SERAC1: variants seen among roughly 807,000 people sequenced by gnomAD.
SERAC1 encodes protein SERAC1.
SERAC1 carries 36 observed loss-of-function variants against 85.7 expected under a neutral mutation model. The observed-to-expected ratio is 0.42, with a 90% CI of 0.32 to 0.55. The LOEUF (loss-of-function observed/expected upper bound fraction) is 0.55, where lower values mean the gene tolerates loss of function less well. Among genes scored for constraint, SERAC1 ranks in the 20% least tolerant of loss-of-function variants. The probability of loss-of-function intolerance (pLI) is 0.11; values close to 1 mark genes in which losing one functional copy is unlikely to be tolerated. For missense variants in SERAC1, 629 were observed against 796.2 expected (o/e 0.79, Z 2.53); for synonymous variants, 242 against 265.3 (o/e 0.91, Z 0.85).
chr6:158,117,973 G>C lies in SERAC1; in HGVS notation c.1309-152C>G. On this transcript the variant is annotated intron_variant, in intron 12 of 16. Coordinates refer to ENST00000647468, the MANE Select transcript of SERAC1 (RefSeq NM_032861.4). This position sits in a 1 kb window ranked among gnomAD's most constrained non-coding sequence, Gnocchi z 4.3. Reference sequence around the variant, plus strand: ...TGAAGGTACCGTAAAAACAATTCCAGCACTATCTTTTCAAGTCTCTGGTCT... The same window carrying C: ...TGAAGGTACCGTAAAAACAATTCCACCACTATCTTTTCAAGTCTCTGGTCT... The C allele has an allele frequency of 1.6e-6, 1 of 630,326 alleles. No homozygotes were observed. The highest frequency in any genetic ancestry group is 2.8e-5 in the East Asian group (1 of 35,810). The allele number at this position is 630,326 out of a possible 1,614,324, so 39.0% of individuals were successfully genotyped here. A position where few individuals can be genotyped will look rare whatever the true frequency, so the allele number is the denominator to read the frequency against.
At chr6:158,145,487 C>G (rs1475384839) in intron 6 of SERAC1, 1 of 151,044 alleles carries the variant, frequency 6.6e-6, no homozygotes, top group South Asian at 2.1e-4. Flanking sequence ...TTGCAGAGAT[C>G]TCATTCTGAG....
intron 12 of SERAC1, among the ~76,000 whole-genome samples, chr6:158,118,778 T>C (rs1784352895): frequency 6.6e-6 from 1 of 152,246 alleles, no homozygotes; most frequent in Admixed American, 6.5e-5. Flanking sequence ...AAGTGAACTA[T>C]TACTGGCTCT....
At position 158,117,674 on chromosome 6, in the gene SERAC1, A is replaced by G; in HGVS notation, c.1403+53T>C. ...TCACTTCCCATCCAAGAGGACCTAA[A>G]CTTGCGGCCTGAATTCTTCCCTGTC... is the stretch of plus-strand genomic sequence containing the variant. On this transcript the variant is annotated intron_variant, in intron 13 of 16. Transcript: ENST00000647468. The surrounding 1 kb of genome is among the most constrained non-coding windows in gnomAD (Gnocchi z 4.3). 1 of 1,611,916 alleles carries G rather than the reference A, an allele frequency of 6.2e-7. No homozygotes were observed. The highest frequency in any genetic ancestry group is 8.5e-7 in the Non-Finnish European group (1 of 1,178,428).
At chr6:158,149,180 G>A (rs1364022663) in intron 4 of SERAC1, among the ~76,000 whole-genome samples, 1 of 152,066 alleles carries the variant, frequency 6.6e-6, no homozygotes, top group African/African-American at 2.4e-5. Flanking sequence ...TTTTAGTAGA[G>A]ACAGGGTTTC....
intron 10 of SERAC1, among the ~76,000 whole-genome samples, chr6:158,123,478 G>C (rs1784466847): frequency 6.6e-6 from 1 of 152,226 alleles, no homozygotes; most frequent in Non-Finnish European, 1.5e-5. Context: ...AGGAGGAGAA[G>C]TCATCCTCTG....
At chr6:158,165,973 G>A (rs1340641448) in intron 1 of SERAC1, 1 of 152,196 alleles carries the variant, frequency 6.6e-6, no homozygotes, top group Admixed American at 6.5e-5. Flanking sequence ...AGTAGTGCTG[G>A]TTGCACAATG....
intron 6 of SERAC1, among the ~76,000 whole-genome samples, chr6:158,145,075 C>T (rs1490058458): frequency 1.3e-5 from 2 of 152,118 alleles, no homozygotes; most frequent in African/African-American, 4.8e-5. Flanking sequence ...GAAACCCTGT[C>T]TCTACTAAAA....
intron 1 of SERAC1, among the ~76,000 whole-genome samples, chr6:158,164,748 T>A (rs1407867299): frequency 6.6e-6 from 1 of 152,002 alleles, no homozygotes; most frequent in African/African-American, 2.4e-5. Flanking sequence ...AAAACGTGAG[T>A]TGTAGCTAGG....
At chr6:158,115,820 C>A (rs1248359823) in intron 14 of SERAC1, among the ~76,000 whole-genome samples, 6 of 152,092 alleles carry the variant, frequency 3.9e-5, no homozygotes, top group African/African-American at 1.4e-4. Context: ...TGAGGGGGAG[C>A]AGGAAGAATA....
At chr6:158,154,317 C>T (rs1411839177) in intron 3 of SERAC1, among the ~76,000 whole-genome samples, 1 of 152,088 alleles carries the variant, frequency 6.6e-6, no homozygotes, top group Non-Finnish European at 1.5e-5. Flanking sequence ...TCACTATATT[C>T]CTGAATATAA....
intron 10 of SERAC1, among the ~76,000 whole-genome samples, chr6:158,122,209 T>C (rs1480312944): frequency 1.3e-5 from 2 of 152,238 alleles, no homozygotes; most frequent in Non-Finnish European, 1.5e-5. Context: ...GAATAGGTGC[T>C]ACCATCCAGG....
chr6:158,152,517 GAA>G lies in SERAC1; in HGVS notation c.129-1930_129-1929del, dbSNP rs201163631. On this transcript the variant is annotated intron_variant, in intron 3 of 16. Coordinates refer to ENST00000647468, the MANE Select transcript of SERAC1 (RefSeq NM_032861.4). ...GGCGACGGAGCAAGACTCCATCTCC[GAA>G]AAAAAAAAAAGTGTAATGTAGCCTA... is the stretch of plus-strand genomic sequence containing the variant. Among the ~76,000 whole-genome samples the G allele has an allele frequency of 8.7e-3, 1,237 of 142,956 alleles. 18 individuals carry two copies. Among genetic ancestry groups the G allele is most frequent in the African/African-American group, 0.029 (1,149 of 39,276 alleles). 93.8% of individuals were successfully genotyped at this position (142,956 alleles called of 152,430 possible).
At chr6:158,151,385 G>A (rs1342331152) in intron 3 of SERAC1, among the ~76,000 whole-genome samples, 1 of 152,128 alleles carries the variant, frequency 6.6e-6, no homozygotes, top group Admixed American at 6.6e-5. Context: ...AGTAGCCGCT[G>A]CTCTCCAGCC....
rs1379099761 is a variant in SERAC1 at position 158,119,369 on chromosome 6, C to A, written c.1167-199G>T. On this transcript the variant is annotated intron_variant, in intron 11 of 16. Transcript: ENST00000647468. The surrounding 1 kb of genome is among the most constrained non-coding windows in gnomAD (Gnocchi z 4.5). ...CAAAGACATACATGAAGCATGTTCA[C>A]TGTTCTCTAAAAATGGAGACTATTC... Among the ~76,000 whole-genome samples, 1 of 152,198 alleles carries A rather than the reference C, an allele frequency of 6.6e-6. No individual in the cohort carries two copies. Among genetic ancestry groups the A allele is most frequent in the Non-Finnish European group, 1.5e-5 (1 of 68,032 alleles).
At chr6:158,145,504 TTTTC>T (rs1286467809) in intron 6 of SERAC1, 1 of 151,920 alleles carries the variant, frequency 6.6e-6, no homozygotes, top group Non-Finnish European at 1.5e-5. Flanking sequence ...TGAGCTTAAC[TTTTC>T]TTTGAGAATT....
intron 3 of SERAC1, among the ~76,000 whole-genome samples, chr6:158,155,003 G>A (rs577003076): frequency 1.3e-4 from 20 of 152,158 alleles, no homozygotes; most frequent in African/African-American, 4.8e-4. Flanking sequence ...GGAGCTGAGT[G>A]AGTGCCTGAT....
chr6:158,111,106 T>C lies in SERAC1; in HGVS notation c.*260A>G, dbSNP rs938766510. ...TTGCTCCAGTCACCAAGCCCAACAC[T>C]GCGAACCATAAAGCAGCACACAGGG... On this transcript the variant is annotated 3_prime_UTR_variant, in exon 17 of 17. Coordinates refer to ENST00000647468, the MANE Select transcript of SERAC1 (RefSeq NM_032861.4). The C allele has an allele frequency of 7.8e-6, 2 of 257,554 alleles. No individual in the cohort carries two copies. Among genetic ancestry groups the C allele is most frequent in the Admixed American group, 1.0e-4 (2 of 19,690 alleles). The allele number at this position is 257,554 out of a possible 1,614,324, so 16.0% of individuals were successfully genotyped here. A position where few individuals can be genotyped will look rare whatever the true frequency, so the allele number is the denominator to read the frequency against.
At chr6:158,148,543 A>C (rs1173387416) in intron 5 of SERAC1, among the ~76,000 whole-genome samples, 2 of 152,004 alleles carry the variant, frequency 1.3e-5, no homozygotes, top group African/African-American at 4.8e-5. Context: ...CCTGAGTTCA[A>C]GTCATTCTCC....
intron 1 of SERAC1, chr6:158,158,631 T>G: frequency 3.4e-6 from 1 of 291,238 alleles, no homozygotes; most frequent in East Asian, 6.7e-5. Flanking sequence ...AAAGATGATC[T>G]AAATATGATA....
Sources: gnomAD v4.1 joint callset for allele counts (sites outside exome capture counted in the v4.1 genomes callset) on GRCh38, gnomAD v4.1.1 for gene constraint, Gnocchi (gnomAD v3.1) non-coding constraint, MANE v1.5 for transcripts, NCBI Gene and HGNC (gene_info 2026-07-23, HGNC 2026-07-21) for gene names.